Variants in PRIM2 observed in about 807,000 individuals in gnomAD.
PRIM2 encodes DNA primase subunit 2.
Under a neutral mutation model 67.3 loss-of-function variants are expected in PRIM2, and 39 were observed. That is an observed-to-expected ratio of 0.58 (90% CI 0.45 to 0.76). The LOEUF is 0.76. Among genes scored for constraint, PRIM2 ranks in the 30% least tolerant of loss-of-function variants. The pLI is 0.00. For missense variants in PRIM2, 398 were observed against 598.7 expected, an observed-to-expected ratio of 0.66 and a Z score of 3.50; for synonymous variants, 143 against 198.7, an observed-to-expected ratio of 0.72 and a Z score of 2.36.
At chr6:57,394,069 T>C (rs1461219193) in intron 7 of PRIM2, among the ~76,000 whole-genome samples, 1 of 152,208 alleles carries the variant, frequency 6.6e-6, no homozygotes, top group Non-Finnish European at 1.5e-5. Flanking sequence ...CTATGGCCTA[T>C]AGTATAGTTT....
At chr6:57,614,171 C>A (rs1344406986) in intron 12 of PRIM2, among the ~76,000 whole-genome samples, 4 of 152,190 alleles carry the variant, frequency 2.6e-5, no homozygotes, top group African/African-American at 9.7e-5. Flanking sequence ...CTCATAGGAG[C>A]TCAAACCTTA....
chr6:57,491,024 C>T, intron 7 of PRIM2, among the ~76,000 whole-genome samples: 1 of 152,106 alleles, frequency 6.6e-6, no homozygotes, highest in East Asian at 1.9e-4. Context: ...GAAAAATATT[C>T]AAATAAATAA....
chr6:57,229,330 C>A, the PRIM2 span, among the ~76,000 whole-genome samples: 1 of 152,226 alleles, frequency 6.6e-6, no homozygotes, highest in East Asian at 1.9e-4. Flanking sequence ...TATTTCTATT[C>A]TACAGTTTAA....
intron 10 of PRIM2, among the ~76,000 whole-genome samples, chr6:57,583,085 A>C (rs1358025739): frequency 6.7e-6 from 1 of 149,642 alleles, no homozygotes; most frequent in Non-Finnish European, 1.5e-5. Context: ...ATGATTTCCA[A>C]TTTCATCCAT....
chr6:57,543,049 C>T (rs1288895197), intron 10 of PRIM2, among the ~76,000 whole-genome samples: 1 of 146,062 alleles, frequency 6.8e-6, no homozygotes, highest in Admixed American at 6.9e-5. Context: ...ACGCCATTCT[C>T]CTGCCTCAGC....
At chr6:57,473,931 T>C (rs1773400728) in intron 7 of PRIM2, among the ~76,000 whole-genome samples, 1 of 152,104 alleles carries the variant, frequency 6.6e-6, no homozygotes, top group Non-Finnish European at 1.5e-5. Flanking sequence ...AAATCACATT[T>C]CGACTTAGAA....
chr6:57,499,321 G>T (rs1774076980), intron 7 of PRIM2, among the ~76,000 whole-genome samples: 1 of 152,174 alleles, frequency 6.6e-6, no homozygotes, highest in Non-Finnish European at 1.5e-5. Flanking sequence ...GCTTGTAACT[G>T]ATGGCATTTA....
intron 10 of PRIM2, among the ~76,000 whole-genome samples, chr6:57,594,731 T>G (rs1294518833): frequency 4.6e-5 from 7 of 152,100 alleles, no homozygotes; most frequent in African/African-American, 1.7e-4. Context: ...AAGGACAACA[T>G]AAAAATATCT....
the PRIM2 span, among the ~76,000 whole-genome samples, chr6:57,287,832 C>G: frequency 6.6e-6 from 1 of 151,804 alleles, no homozygotes; most frequent in African/African-American, 2.4e-5. Flanking sequence ...AGGAACAGAT[C>G]TGGTCTGCAG....
chr6:57,254,484 C>T, the PRIM2 span, among the ~76,000 whole-genome samples: 6 of 152,260 alleles, frequency 3.9e-5, no homozygotes, highest in South Asian at 8.3e-4. Flanking sequence ...GCCTCTGTAA[C>T]AACTGTTTCA....
intron 7 of PRIM2, among the ~76,000 whole-genome samples, chr6:57,401,198 T>C (rs1336118478): frequency 6.6e-6 from 1 of 152,190 alleles, no homozygotes; most frequent in Non-Finnish European, 1.5e-5. Flanking sequence ...ATTGGAGTTC[T>C]TGCTTTGGTT....
intron 12 of PRIM2, among the ~76,000 whole-genome samples, chr6:57,611,117 T>C (rs1452718474): frequency 2.0e-5 from 3 of 152,232 alleles, no homozygotes; most frequent in Admixed American, 6.5e-5. Context: ...CTGTAACTAG[T>C]AGGTCGAAGG....
chr6:57,242,900 T>C, the PRIM2 span, among the ~76,000 whole-genome samples: 1 of 152,236 alleles, frequency 6.6e-6, no homozygotes, highest in Admixed American at 6.5e-5. Flanking sequence ...AAGAAGAATT[T>C]TCTAGAAATT....
At chr6:57,551,466 C>CCT (rs1775401246) in intron 10 of PRIM2, among the ~76,000 whole-genome samples, 1 of 152,204 alleles carries the variant, frequency 6.6e-6, no homozygotes, top group South Asian at 2.1e-4. Context: ...ATTGATTAGG[C>CCT]ACCCTAAGAA....
intron 7 of PRIM2, among the ~76,000 whole-genome samples, chr6:57,429,860 T>C (rs1771760333): frequency 6.6e-6 from 1 of 152,238 alleles, no homozygotes; most frequent in South Asian, 2.1e-4. Flanking sequence ...GCCATTTTAA[T>C]AGGCATATCT....
At chr6:57,246,675 T>G in the PRIM2 span, among the ~76,000 whole-genome samples, 1 of 152,144 alleles carries the variant, frequency 6.6e-6, no homozygotes, top group Non-Finnish European at 1.5e-5. Context: ...AACACTGTGA[T>G]AACCAACCAG....
At chr6:57,246,202 C>T in the PRIM2 span, among the ~76,000 whole-genome samples, 1 of 152,104 alleles carries the variant, frequency 6.6e-6, no homozygotes, top group African/African-American at 2.4e-5. Context: ...TGTTCTGCAG[C>T]CCATTTACGG....
At chr6:57,588,519 AG>A (rs1335249597) in intron 10 of PRIM2, among the ~76,000 whole-genome samples, 73 of 151,448 alleles carry the variant, frequency 4.8e-4, no homozygotes, top group Non-Finnish European at 8.8e-4. Flanking sequence ...TCTGGTGAGG[AG>A]GGGGACTTGG....
the PRIM2 span, among the ~76,000 whole-genome samples, chr6:57,293,963 T>C: frequency 6.6e-6 from 1 of 152,100 alleles, no homozygotes; most frequent in South Asian, 2.1e-4. Flanking sequence ...CTTAAAAGTA[T>C]AATTTAAAAA....
Sources: gnomAD v4.1 joint callset for allele counts (sites outside exome capture counted in the v4.1 genomes callset) on GRCh38, gnomAD v4.1.1 for gene constraint, MANE v1.5 for transcripts, NCBI Gene and HGNC (gene_info 2026-07-23, HGNC 2026-07-21) for gene names.